FGD3: variants seen among roughly 807,000 people sequenced by gnomAD.
FGD3 encodes FYVE, RhoGEF and PH domain-containing protein 3.
FGD3 carries 45 observed loss-of-function variants against 71.8 expected under a neutral mutation model. That is an observed-to-expected ratio of 0.63 (90% confidence interval 0.49 to 0.80). The LOEUF (loss-of-function observed/expected upper bound fraction) is 0.80, where lower values mean the gene tolerates loss of function less well. FGD3 is among the 30% of genes least tolerant of loss of function. The probability of loss-of-function intolerance (pLI) is 0.00; values close to 1 mark genes in which losing one functional copy is unlikely to be tolerated. For synonymous variants in FGD3, 378 were observed against 392.8 expected, an observed-to-expected ratio of 0.96 and a Z score of 0.44; for missense variants, 844 against 951.5, an observed-to-expected ratio of 0.89 and a Z score of 1.49.
intron 1 of FGD3, among the ~76,000 whole-genome samples, chr9:92,963,028 G>C (rs947036679): frequency 6.6e-6 from 1 of 152,030 alleles, no homozygotes; most frequent in African/African-American, 2.4e-5. Flanking sequence ...AGGTGACACT[G>C]TCCACCCCAT....
intron 1 of FGD3, among the ~76,000 whole-genome samples, chr9:92,959,887 AC>A (rs1859137440): frequency 6.7e-6 from 1 of 148,984 alleles, no homozygotes; most frequent in Non-Finnish European, 1.5e-5. Flanking sequence ...CGTCCCCTGT[AC>A]CCCCATGCCC....
At chr9:93,019,550 G>A (rs540801989) in intron 11 of FGD3, among the ~76,000 whole-genome samples, 1 of 152,296 alleles carries the variant, frequency 6.6e-6, no homozygotes, top group South Asian at 2.1e-4. Context: ...CCATACATGG[G>A]AGTTCTGTTC....
At chr9:92,950,919 G>A (rs1427381307) in intron 1 of FGD3, among the ~76,000 whole-genome samples, 2 of 152,158 alleles carry the variant, frequency 1.3e-5, no homozygotes, top group Non-Finnish European at 2.9e-5. Flanking sequence ...CGTCCCCTGC[G>A]TCCAGCACTG....
rs554879626 is a variant in FGD3 at position 92,982,564 on chromosome 9, A to G, written c.453+5855A>G. On this transcript the variant is annotated intron_variant, in intron 3 of 17. Transcript: ENST00000375482. ...TTTTCTTTTTAAAAAGAATGTATTC[A>G]TTCATTTTTTTTTTTTGGAGACAGA... 6.9e-5 allele frequency among the ~76,000 whole-genome samples: 8 copies of G among 115,132 alleles called. No individual in the cohort carries two copies. The South Asian group carries it at 2.0e-3, about 28-fold the overall frequency. The allele number at this position is 115,132 out of a possible 152,430, so 75.5% of individuals were successfully genotyped here.
chr9:93,013,822 T>G, intron 8 of FGD3, 30 bp from the exon 9 acceptor site: 1 of 1,611,082 alleles, frequency 6.2e-7, no homozygotes, highest in Non-Finnish European at 8.5e-7. Flanking sequence ...CTCACAGACC[T>G]TTGGTGCCTG....
chr9:92,996,158 T>C (rs1305033527), intron 3 of FGD3, among the ~76,000 whole-genome samples: 1 of 152,202 alleles, frequency 6.6e-6, no homozygotes, highest in African/African-American at 2.4e-5. Context: ...TTTCAGAACC[T>C]GTTATTGGTC....
At chr9:92,966,596 C>T (rs1187736478) in intron 1 of FGD3, among the ~76,000 whole-genome samples, 2 of 152,232 alleles carry the variant, frequency 1.3e-5, no homozygotes, top group South Asian at 2.1e-4. Flanking sequence ...GGGCCCTGCC[C>T]GGGGCCCACC....
In FGD3 at chr9:92,985,177, G is replaced by C. The variant is rs530677512; in HGVS notation, c.453+8468G>C. 4.6e-5 allele frequency among the ~76,000 whole-genome samples: 7 copies of C among 152,362 alleles called. No homozygotes were observed. The South Asian group carries it at 1.4e-3, about 32-fold the overall frequency. On this transcript the variant is annotated intron_variant, in intron 3 of 17. Transcript: ENST00000375482. Reference sequence around the variant, plus strand: ...CACTGGGGCAGTTTGCCTTCCAGTGGCCTGGCTTCCCACGCCAATGGCAGT... The same window carrying C: ...CACTGGGGCAGTTTGCCTTCCAGTGCCCTGGCTTCCCACGCCAATGGCAGT...
At chr9:93,031,610 A>T (rs1409441748) in intron 15 of FGD3, among the ~76,000 whole-genome samples, 5 of 152,208 alleles carry the variant, frequency 3.3e-5, no homozygotes, top group Non-Finnish European at 5.9e-5. Context: ...GGTGCCTTCC[A>T]TCTACTTGAA....
intron 1 of FGD3, among the ~76,000 whole-genome samples, chr9:92,955,570 A>T (rs556609858): frequency 6.6e-6 from 1 of 152,196 alleles, no homozygotes; most frequent in Non-Finnish European, 1.5e-5. Flanking sequence ...CACATAAGAG[A>T]TAATGCAGAG....
At chr9:93,011,524 G>A (rs913270918) in intron 8 of FGD3, among the ~76,000 whole-genome samples, 8 of 152,184 alleles carry the variant, frequency 5.3e-5, no homozygotes, top group African/African-American at 1.4e-4. Flanking sequence ...TGGGAGCCCC[G>A]ACAGAGCCTG....
intron 16 of FGD3, chr9:93,033,110 G>C (rs1053119603): frequency 3.4e-6 from 2 of 584,618 alleles, no homozygotes; most frequent in African/African-American, 3.7e-5. Context: ...TTTGCATCCA[G>C]GAGTTAGATG....
intron 7 of FGD3, among the ~76,000 whole-genome samples, 164 bp from the exon 8 acceptor site, chr9:93,011,049 TC>T (rs1255419370): frequency 6.6e-6 from 1 of 151,850 alleles, no homozygotes; most frequent in Non-Finnish European, 1.5e-5. Context: ...AGAGGCAGGG[TC>T]ACCCCCTTCC....
rs746628588 is a variant in FGD3 at position 93,030,013 on chromosome 9, GGGGACA to G, written c.1680+26_1680+31del. 4 of 1,609,280 alleles carry G rather than the reference GGGGACA, an allele frequency of 2.5e-6. No individual in the cohort carries two copies. Among genetic ancestry groups the G allele is most frequent in the Non-Finnish European group, 3.4e-6 (4 of 1,177,770 alleles). On this transcript the variant is annotated intron_variant, in intron 15 of 17. Transcript: ENST00000375482. ...TGTGGGGCGGTGAGTCCCGGGAGAG[GGGGACA>G]GGGACAGGAGGCCACCCTGTCCTCT...
chr9:93,019,809 C>T (rs773443561), intron 11 of FGD3, 22 bp from the exon 12 acceptor site: 1 of 1,612,890 alleles, frequency 6.2e-7, no homozygotes, highest in South Asian at 1.1e-5. Flanking sequence ...TGGATTAATA[C>T]AAGACCGTTT....
chr9:92,979,972 G>T (rs1181901025), intron 3 of FGD3, among the ~76,000 whole-genome samples: 1 of 147,482 alleles, frequency 6.8e-6, no homozygotes, highest in Non-Finnish European at 1.5e-5. Context: ...TTTTGAGGCA[G>T]TCTATTTAAA....
At chr9:93,009,352 G>T (rs897809739) in intron 6 of FGD3, among the ~76,000 whole-genome samples, 1 of 152,208 alleles carries the variant, frequency 6.6e-6, no homozygotes, top group East Asian at 1.9e-4. Flanking sequence ...TTGTCGACTT[G>T]GGTTTCTCTC....
Position 93,035,546 on chromosome 9 carries a change from G to A in FGD3, c.2135G>A (p.Gly712Glu). ...AHGDTAQDSP[G>E]ALQLQVPMGA... ...GGGGACACGGCCCAGGACAGCCCGG[G>A]GGCCCTGCAGCTTCAGGTCCCTATG... Residue 712 changes from glycine to glutamate, a missense_variant, in exon 18 of 18, where the codon GGG (glycine) becomes GAG (glutamate). Transcript: ENST00000375482. The A allele has an allele frequency of 6.2e-7, 1 of 1,605,096 alleles. No homozygotes were observed. The highest frequency in any genetic ancestry group is 8.5e-7 in the Non-Finnish European group (1 of 1,177,574).
chr9:92,949,405 G>A (rs1249055191), intron 1 of FGD3, among the ~76,000 whole-genome samples: 1 of 152,196 alleles, frequency 6.6e-6, no homozygotes, highest in Non-Finnish European at 1.5e-5. Context: ...GCGCCTGCCA[G>A]TCTGCAGCGG....
Sources: allele counts gnomAD v4.1 joint callset (sites outside exome capture counted in the v4.1 genomes callset), GRCh38; gene constraint gnomAD v4.1.1; transcripts MANE v1.5; gene names NCBI Gene and HGNC (gene_info 2026-07-23, HGNC 2026-07-21).